Variants in SRGAP3 observed in about 807,000 individuals in gnomAD.
The protein encoded by SRGAP3 is SLIT-ROBO Rho GTPase-activating protein 3.
In SRGAP3, 39 loss-of-function variants were observed where a neutral mutation model predicts 121.1. The ratio of observed to expected loss-of-function variants is 0.32; its 90% CI spans 0.25 to 0.42. SRGAP3 has a LOEUF of 0.42. Among genes scored for constraint, SRGAP3 ranks in the 10% least tolerant of loss-of-function variants. The probability of loss-of-function intolerance (pLI) is 1.00; values close to 1 mark genes in which losing one functional copy is unlikely to be tolerated. For synonymous variants in SRGAP3, 601 were observed against 570.0 expected (o/e 1.05, Z -0.77); for missense variants, 1,213 against 1,470.6 (o/e 0.82, Z 2.86).
intron 3 of SRGAP3, chr3:9,325,942 T>C (rs1353303261): frequency 2.0e-5 from 3 of 151,928 alleles, no homozygotes; most frequent in East Asian, 1.9e-4. Flanking sequence ...TCCATTCTTG[T>C]GGGGAAAAGC....
chr3:9,060,280 T>C lies in SRGAP3; in HGVS notation c.752A>G (p.Asn251Ser). ...GATGTAGTATTTGCTTATAGCTGCG[T>C]TGGTGGCTGCCAGATTGAGCAAGTA... ...NDYLLNLAAT[N>S]AAISKYYIHD... The change falls in exon 6 of 22, where the codon AAC becomes AGC. Residue 251 changes from asparagine (N) to serine (S), a missense_variant. Asn to Ser is a conservative substitution (Grantham distance 46). Around this residue, in one of 2 missense-constraint regions of SRGAP3, gnomAD observed 793 missense variants for 1,032.9 expected, o/e 0.77. Transcript: ENST00000383836. 6.2e-7 allele frequency: 1 copy of C among 1,614,184 alleles called. No homozygotes were observed. Among genetic ancestry groups the C allele is most frequent in the Non-Finnish European group, 8.5e-7 (1 of 1,180,028 alleles).
intron 3 of SRGAP3, among the ~76,000 whole-genome samples, chr3:9,307,069 C>T (rs975719798): frequency 5.9e-5 from 9 of 152,094 alleles, no homozygotes; most frequent in Admixed American, 5.2e-4. Context: ...GCCTCCCAGG[C>T]TCAAGCAGTC....
At chr3:9,196,267 A>T (rs1279230275) in intron 1 of SRGAP3, among the ~76,000 whole-genome samples, 1 of 152,180 alleles carries the variant, frequency 6.6e-6, no homozygotes, top group Admixed American at 6.5e-5. Flanking sequence ...AGGACTGCCA[A>T]AGTTGGAGGA....
In SRGAP3 at chr3:9,220,176, GAGA is replaced by G. The variant is rs1479331901; in HGVS notation, c.67+28706_67+28708del. ...ATTGGCTATTTCATAGTAGCTAGGAGAGAAGATTTCAAATGTTCCCAACACAAA... is the reference window on the plus strand; with the variant it reads ...ATTGGCTATTTCATAGTAGCTAGGAGAGATTTCAAATGTTCCCAACACAAA... On this transcript the variant is annotated intron_variant, in intron 1 of 21. Coordinates refer to ENST00000383836, the MANE Select transcript of SRGAP3 (RefSeq NM_014850.4). Among the ~76,000 whole-genome samples, 4 of 152,110 alleles carry G rather than the reference GAGA, an allele frequency of 2.6e-5. No homozygotes were observed. In the East Asian group the frequency reaches 7.7e-4, roughly 29 times the overall value.
In SRGAP3 at chr3:9,104,168, C is replaced by T. The variant is rs139404987; in HGVS notation, c.423+512G>A. Among the ~76,000 whole-genome samples, 291 of 152,088 alleles carry T rather than the reference C, an allele frequency of 1.9e-3. 1 individual carries two copies. The highest frequency in any genetic ancestry group is 6.6e-3 in the African/African-American group (273 of 41,494). The stretch of plus-strand genomic sequence containing the variant: ...TGTGGGAAAATGTAATAGAGTGTTA[C>T]GTAATTTGTTAGGTGACATAAGCAG... On this transcript the variant is annotated intron_variant, in intron 3 of 21. Transcript: ENST00000383836.
intron 1 of SRGAP3, among the ~76,000 whole-genome samples, chr3:9,133,433 G>A (rs1949532983): frequency 6.6e-6 from 1 of 152,158 alleles, no homozygotes; most frequent in Non-Finnish European, 1.5e-5. Flanking sequence ...GCAGTGAGCT[G>A]AGATTGTGCC....
At chr3:9,175,138 T>C in intron 1 of SRGAP3, among the ~76,000 whole-genome samples, 1 of 152,114 alleles carries the variant, frequency 6.6e-6, no homozygotes, top group East Asian at 1.9e-4. Context: ...AGCCAGATGT[T>C]CCAACATCAT....
At chr3:9,163,656 C>A (rs561008647) in intron 1 of SRGAP3, among the ~76,000 whole-genome samples, 1 of 152,164 alleles carries the variant, frequency 6.6e-6, no homozygotes, top group Non-Finnish European at 1.5e-5. Flanking sequence ...ATGTTGGGAT[C>A]GGCCTGGCCT....
intron 3 of SRGAP3, among the ~76,000 whole-genome samples, chr3:9,093,927 T>A (rs892441232): frequency 1.3e-5 from 2 of 152,212 alleles, no homozygotes; most frequent in Non-Finnish European, 2.9e-5. Flanking sequence ...TAATTTCCAT[T>A]TTCCAACATC....
chr3:9,165,207 G>A (rs1950742943), intron 1 of SRGAP3, among the ~76,000 whole-genome samples: 1 of 152,240 alleles, frequency 6.6e-6, no homozygotes, highest in Non-Finnish European at 1.5e-5. Flanking sequence ...CTCCTACCAG[G>A]AAGGGAGGGT....
chr3:9,292,077 T>C (rs1954879615), intron 3 of SRGAP3, among the ~76,000 whole-genome samples: 1 of 152,216 alleles, frequency 6.6e-6, no homozygotes, highest in South Asian at 2.1e-4. Flanking sequence ...TTGGTAGTGA[T>C]TCTGTTTTGT....
chr3:9,026,731 C>A (rs754821954), intron 13 of SRGAP3, among the ~76,000 whole-genome samples: 7 of 152,314 alleles, frequency 4.6e-5, no homozygotes, highest in Middle Eastern at 3.4e-3. Flanking sequence ...GGTCTTGGAT[C>A]CTCTCACCAT....
intron 3 of SRGAP3, among the ~76,000 whole-genome samples, chr3:9,288,474 C>G (rs897078518): frequency 6.6e-6 from 1 of 151,730 alleles, no homozygotes; most frequent in African/African-American, 2.4e-5. Context: ...AGATATTGTT[C>G]CAGAACTCTC....
intron 18 of SRGAP3, 121 bp downstream of exon 18, chr3:9,010,187 C>CGA: frequency 8.4e-7 from 1 of 1,184,666 alleles, no homozygotes; most frequent in Middle Eastern, 1.9e-4. Flanking sequence ...TTCTGAAGGA[C>CGA]AGATGGCTGA....
Position 9,195,135 on chromosome 3 carries a change from C to T in SRGAP3, c.67+53750G>A, listed in dbSNP as rs142865645. ...TGGAGTTGTGGAGAGATGCACATAGCTCTCCATCACATAGTGTTTCCACCA... is the reference window on the plus strand; with the variant it reads ...TGGAGTTGTGGAGAGATGCACATAGTTCTCCATCACATAGTGTTTCCACCA... On this transcript the variant is annotated intron_variant, in intron 1 of 21. Coordinates refer to ENST00000383836, the MANE Select transcript of SRGAP3 (RefSeq NM_014850.4). Among the ~76,000 whole-genome samples the T allele has an allele frequency of 4.4e-3, 674 of 152,360 alleles. 3 individuals are homozygous for T. Among genetic ancestry groups the T allele is most frequent in the African/African-American group, 0.015 (622 of 41,576 alleles).
chr3:9,073,410 G>T (rs1946814251), intron 4 of SRGAP3, among the ~76,000 whole-genome samples: 1 of 152,252 alleles, frequency 6.6e-6, no homozygotes, highest in Admixed American at 6.5e-5. Flanking sequence ...CTCCCAAAGT[G>T]CCGGGATTAC....
In SRGAP3 at chr3:9,124,833, T is replaced by G. The variant is rs1191722086; in HGVS notation, c.152A>C (p.Glu51Ala). ...SRLQLLQDLQ[E>A]FFRRKAEIEL... Reference sequence around the variant, plus strand: ...AATCTCAGCTTTCCGGCGGAAAAACTCCTGGAGGTCTTGAAGCAGCTGCAG... The same window carrying G: ...AATCTCAGCTTTCCGGCGGAAAAACGCCTGGAGGTCTTGAAGCAGCTGCAG... The change falls in exon 2 of 22, where the codon GAG (glutamate) becomes GCG (alanine). Residue 51 changes from glutamate to alanine, a missense_variant. Coordinates refer to ENST00000383836, the MANE Select transcript of SRGAP3 (RefSeq NM_014850.4). 6.2e-7 allele frequency: 1 copy of G among 1,614,188 alleles called. No homozygotes were observed. Among genetic ancestry groups the G allele is most frequent in the South Asian group, 1.1e-5 (1 of 91,078 alleles).
intron 1 of SRGAP3, among the ~76,000 whole-genome samples, chr3:9,221,951 C>A (rs570117157): frequency 6.6e-6 from 1 of 152,308 alleles, no homozygotes; most frequent in South Asian, 2.1e-4. Flanking sequence ...AACTCTGTGC[C>A]TGCTCAGCGC....
intron 1 of SRGAP3, chr3:9,348,695 T>G: frequency 3.5e-6 from 4 of 1,151,960 alleles, no homozygotes; most frequent in Non-Finnish European, 3.9e-6. Context: ...TGAGGATTGG[T>G]GCCTCAATGA....
Sources: allele counts gnomAD v4.1 joint callset (sites outside exome capture counted in the v4.1 genomes callset), GRCh38; gene constraint gnomAD v4.1.1; regional missense constraint gnomAD v4.1.1; transcripts MANE v1.5; gene names NCBI Gene and HGNC (gene_info 2026-07-23, HGNC 2026-07-21).